RADIL: variants seen among roughly 807,000 people sequenced by gnomAD.
RADIL encodes ras-associating and dilute domain-containing protein.
Under a neutral mutation model 97.6 loss-of-function variants are expected in RADIL, and 99 were observed. The ratio of observed to expected loss-of-function variants is 1.01; its 90% CI spans 0.86 to 1.20. The LOEUF is 1.20. Ranked by LOEUF, RADIL falls within the 50% of genes most tolerant of loss-of-function variation. The pLI, the probability that RADIL is intolerant of heterozygous loss-of-function variation, is 0.00. For synonymous variants in RADIL, 803 were observed against 691.8 expected (o/e 1.16, Z -2.52); for missense variants, 1,765 against 1,498.9 (o/e 1.18, Z -2.93).
intron 2 of RADIL, among the ~76,000 whole-genome samples, chr7:4,874,944 G>A (rs1470722326): frequency 6.6e-6 from 1 of 152,038 alleles, no homozygotes; most frequent in Non-Finnish European, 1.5e-5. Context: ...TGTAATCCCA[G>A]CACTTTGGGA....
chr7:4,802,499 C>T (rs868521633), intron 11 of RADIL, among the ~76,000 whole-genome samples: 3 of 136,816 alleles, frequency 2.2e-5, no homozygotes, highest in Admixed American at 7.1e-5. Flanking sequence ...CCCCAGGTAC[C>T]TCGGGGCATG....
At chr7:4,859,762 G>A in intron 2 of RADIL, 1 of 621,624 alleles carries the variant, frequency 1.6e-6, no homozygotes. Flanking sequence ...TGTTCCCTGA[G>A]AGGCCAATAG....
rs375677191 is a variant in RADIL, at chr7:4,817,338, C to T, written c.1629G>A (p.Ser543=). The T allele has an allele frequency of 2.9e-5, 46 of 1,611,482 alleles. No homozygotes were observed. Among genetic ancestry groups the T allele is most frequent in the African/African-American group, 2.4e-4 (18 of 74,900 alleles). The stretch of plus-strand genomic sequence containing the variant: ...TGGCCGTCAGCGTGCAGGAGAACAG[C>T]GATTCCTTCGAGCCTGCCGGGAGAC... The part of the protein sequence containing the change: ...EQLDITGSKE[S]LFSCTLTASE... Residue 543 remains serine (S), a synonymous_variant, in exon 7 of 15, where the codon TCG becomes TCA. Coordinates refer to ENST00000399583, the MANE Select transcript of RADIL (RefSeq NM_018059.5). The surrounding 1 kb of genome is among the most constrained non-coding windows in gnomAD (Gnocchi z 8.3).
Position 4,797,420 on chromosome 7 carries a change from T to C in RADIL, c.*1958A>G, listed in dbSNP as rs1320562982. The C allele has an allele frequency of 6.6e-6, 1 of 152,184 alleles. No individual in the cohort carries two copies. Among genetic ancestry groups the C allele is most frequent in the Non-Finnish European group, 1.5e-5 (1 of 68,052 alleles). The allele number at this position is 152,184 out of a possible 1,614,324, so 9.4% of individuals were successfully genotyped here. On this transcript the variant is annotated 3_prime_UTR_variant, in exon 15 of 15. Coordinates refer to ENST00000399583, the MANE Select transcript of RADIL (RefSeq NM_018059.5). The stretch of plus-strand genomic sequence containing the variant: ...GAGCAAGTCAGAAGGCCGGAGAATA[T>C]TGCAGGGAAGAAGAGATAAGCCCCC...
chr7:4,849,157 G>GA lies in RADIL; in HGVS notation c.536-12553_536-12552insT, dbSNP rs1783649445. On this transcript the variant is annotated intron_variant, in intron 2 of 14. Coordinates refer to ENST00000399583, the MANE Select transcript of RADIL (RefSeq NM_018059.5). This position sits in a 1 kb window ranked among gnomAD's most constrained non-coding sequence, Gnocchi z 5.4. ...CTGTCTCAAAAAAAAAAAAAAAAAGGGAATTAAAAGCCAGAAAGAAAGAGT... is the reference window on the plus strand; with the variant it reads ...CTGTCTCAAAAAAAAAAAAAAAAAGGAGAATTAAAAGCCAGAAAGAAAGAGT... 3.5e-5 allele frequency among the ~76,000 whole-genome samples: 5 copies of GA among 141,182 alleles called. No individual in the cohort carries two copies. Among genetic ancestry groups the GA allele is most frequent in the Admixed American group, 7.1e-5 (1 of 14,104 alleles). The allele number at this position is 141,182 out of a possible 152,430, so 92.6% of individuals were successfully genotyped here.
At chr7:4,853,212 C>T (rs1420678286) in intron 2 of RADIL, among the ~76,000 whole-genome samples, 3 of 152,132 alleles carry the variant, frequency 2.0e-5, no homozygotes, top group Non-Finnish European at 4.4e-5. Flanking sequence ...AACCCGCCCT[C>T]CAACCTTGAG....
In RADIL at chr7:4,814,798, G is replaced by C. The variant is rs1363864188; in HGVS notation, c.2139+480C>G. Among the ~76,000 whole-genome samples, 1 of 152,204 alleles carries C rather than the reference G, an allele frequency of 6.6e-6. No individual in the cohort carries two copies. Among genetic ancestry groups the C allele is most frequent in the Non-Finnish European group, 1.5e-5 (1 of 68,044 alleles). On this transcript the variant is annotated intron_variant, in intron 9 of 14. Coordinates refer to ENST00000399583, the MANE Select transcript of RADIL (RefSeq NM_018059.5). This position sits in a 1 kb window ranked among gnomAD's most constrained non-coding sequence, Gnocchi z 4.5. Reference sequence around the variant, plus strand: ...TCAGAATTCAGTTCCTGTGGTTGTAGGACTGGGGTCCCGTTTCCAGACTGG... The same window carrying C: ...TCAGAATTCAGTTCCTGTGGTTGTACGACTGGGGTCCCGTTTCCAGACTGG...
chr7:4,816,416 G>C lies in RADIL; in HGVS notation c.1778C>G (p.Thr593Arg), dbSNP rs751282911. ...CGAGGACCAGCTCTCACGGCGCTCC[G>C]TCTGGAATGGCGGGCACTCCAGGAG... is the stretch of plus-strand genomic sequence containing the variant. ...PALLECPPFQ[T>R]ERRESWSSAP... Residue 593 changes from threonine (T) to arginine (R), a missense_variant, in exon 8 of 15, where the codon ACG (threonine) becomes AGG (arginine). Physicochemically the swap from Thr to Arg is moderately conservative, Grantham distance 71. Coordinates refer to ENST00000399583, the MANE Select transcript of RADIL (RefSeq NM_018059.5). 30 of 1,608,896 alleles carry C rather than the reference G, an allele frequency of 1.9e-5. No homozygotes were observed. In the East Asian group the frequency reaches 2.7e-4, roughly 14 times the overall value.
intron 2 of RADIL, chr7:4,861,419 A>G (rs1783991049): frequency 6.2e-7 from 1 of 1,613,992 alleles, no homozygotes; most frequent in East Asian, 2.2e-5. Context: ...GAATGAGGTG[A>G]AAAAGTCGCT....
rs554601182 is a variant in RADIL, at chr7:4,826,203, G to A, written c.1455-3649C>T. Among the ~76,000 whole-genome samples, 14 of 152,058 alleles carry A rather than the reference G, an allele frequency of 9.2e-5. No individual in the cohort carries two copies. The South Asian group carries it at 1.9e-3, about 20-fold the overall frequency. ...AGCCTGGGCAACAGAGTGAGACCCT[G>A]TCTCAAAAAATAATAATTAATTAAA... On this transcript the variant is annotated intron_variant, in intron 5 of 14. Coordinates refer to ENST00000399583, the MANE Select transcript of RADIL (RefSeq NM_018059.5).
rs562205039 is a variant in RADIL, at chr7:4,822,784, G to C, written c.1455-230C>G. Among the ~76,000 whole-genome samples, 1 of 152,256 alleles carries C rather than the reference G, an allele frequency of 6.6e-6. No individual in the cohort carries two copies. The highest frequency in any genetic ancestry group is 1.9e-4 in the East Asian group (1 of 5,190). Reference sequence around the variant, plus strand: ...TACAAACCTAGCAGGAAGACAGCTGGGCGCCACAGCCATTGGTAAAAAACC... The same window carrying C: ...TACAAACCTAGCAGGAAGACAGCTGCGCGCCACAGCCATTGGTAAAAAACC... On this transcript the variant is annotated intron_variant, in intron 5 of 14. Coordinates refer to ENST00000399583, the MANE Select transcript of RADIL (RefSeq NM_018059.5). This position sits in a 1 kb window ranked among gnomAD's most constrained non-coding sequence, Gnocchi z 5.3.
chr7:4,809,522 C>A, intron 9 of RADIL: 3 of 985,278 alleles, frequency 3.0e-6, no homozygotes, highest in Non-Finnish European at 3.6e-6. Context: ...AGAACGTGGG[C>A]GGCGGCTGCT....
Position 4,817,601 on chromosome 7 carries a change from T to TGCCCA in RADIL, c.1616-255_1616-251dup, listed in dbSNP as rs1274299630. ...GGGGTCCAGACACCCAACATCTCAA[T>TGCCCA]GCCCAGCCCAGCCCAGCCCAAGCGC... On this transcript the variant is annotated intron_variant, in intron 6 of 14. Coordinates refer to ENST00000399583, the MANE Select transcript of RADIL (RefSeq NM_018059.5). The surrounding 1 kb of genome is among the most constrained non-coding windows in gnomAD (Gnocchi z 8.3). Among the ~76,000 whole-genome samples, 1 of 152,126 alleles carries TGCCCA rather than the reference T, an allele frequency of 6.6e-6. No homozygotes were observed. Among genetic ancestry groups the TGCCCA allele is most frequent in the Admixed American group, 6.5e-5 (1 of 15,282 alleles).
In RADIL at chr7:4,822,689, G is replaced by T. The variant is rs1000927476; in HGVS notation, c.1455-135C>A. ...CTGCAACCATCAACCTGACACTGCT[G>T]GGCGGGGACGTTTAACAATACGTGT... On this transcript the variant is annotated intron_variant, in intron 5 of 14. Coordinates refer to ENST00000399583, the MANE Select transcript of RADIL (RefSeq NM_018059.5). This position sits in a 1 kb window ranked among gnomAD's most constrained non-coding sequence, Gnocchi z 5.3. The T allele has an allele frequency of 2.9e-6, 3 of 1,030,832 alleles. No individual in the cohort carries two copies. Among genetic ancestry groups the T allele is most frequent in the Non-Finnish European group, 4.1e-6 (3 of 723,440 alleles). The allele number at this position is 1,030,832 out of a possible 1,614,324, so 63.9% of individuals were successfully genotyped here.
intron 2 of RADIL, chr7:4,860,795 A>G (rs771306521): frequency 6.2e-7 from 1 of 1,614,136 alleles, no homozygotes; most frequent in Non-Finnish European, 8.5e-7. Flanking sequence ...AAACTCCTCA[A>G]TCATGACCAT....
intron 9 of RADIL, chr7:4,809,572 C>A (rs1335653336): frequency 2.0e-6 from 2 of 985,480 alleles, no homozygotes; most frequent in Non-Finnish European, 2.4e-6. Context: ...CGGCAGGTCC[C>A]GCCCCACTTC....
chr7:4,823,787 CA>C (rs1782900213), intron 5 of RADIL, among the ~76,000 whole-genome samples: 1 of 152,242 alleles, frequency 6.6e-6, no homozygotes. Flanking sequence ...GTGTCCTCAG[CA>C]GCCTCTTGGA....
chr7:4,802,482 GC>G (rs1782131493), intron 11 of RADIL, among the ~76,000 whole-genome samples: 2 of 126,552 alleles, frequency 1.6e-5, no homozygotes, highest in East Asian at 2.3e-4. Context: ...TGGCTGGGGG[GC>G]CCCCTCCCCA....
intron 9 of RADIL, among the ~76,000 whole-genome samples, chr7:4,812,133 G>T (rs1270437773): frequency 1.3e-5 from 2 of 152,054 alleles, no homozygotes; most frequent in Non-Finnish European, 2.9e-5. Context: ...CTCCTGCCTT[G>T]GCCTCCCAAA....
Sources: gnomAD v4.1 joint callset for allele counts (sites outside exome capture counted in the v4.1 genomes callset) on GRCh38, gnomAD v4.1.1 for gene constraint, Gnocchi (gnomAD v3.1) non-coding constraint, MANE v1.5 for transcripts, NCBI Gene and HGNC (gene_info 2026-07-23, HGNC 2026-07-21) for gene names.